The following TRAK1 variants were observed in gnomAD, a reference collection of about 807,000 sequenced individuals.
TRAK1 encodes trafficking kinesin protein 1.
Under a neutral mutation model 92.1 loss-of-function variants are expected in TRAK1, and 33 were observed. That is an observed-to-expected ratio of 0.36 (90% confidence interval 0.27 to 0.48). The LOEUF (loss-of-function observed/expected upper bound fraction) is 0.48. Among genes scored for constraint, TRAK1 ranks in the 20% least tolerant of loss-of-function variants. The pLI, the probability that TRAK1 is intolerant of heterozygous loss-of-function variation, is 0.99. For synonymous variants in TRAK1, 521 were observed against 517.3 expected (o/e 1.01, Z -0.10); for missense variants, 1,123 against 1,257.9 (o/e 0.89, Z 1.62).
chr3:42,114,577 A>C (rs1708917414), intron 1 of TRAK1, among the ~76,000 whole-genome samples: 1 of 152,208 alleles, frequency 6.6e-6, no homozygotes, highest in Non-Finnish European at 1.5e-5. Flanking sequence ...TGTTGTTCCA[A>C]TTTACACCAG....
chr3:42,200,937 T>TCCTGTCCAGCTGCGTCAGCACCCC lies in TRAK1; in HGVS notation c.1313_1336dup (p.Leu438_Pro445dup). On this transcript the variant is annotated inframe_insertion, in exon 12 of 16. Coordinates refer to ENST00000327628, the MANE Select transcript of TRAK1 (RefSeq NM_001042646.3). ...AACCAGTCCTCGGCCATGAACTCCC[T>TCCTGTCCAGCTGCGTCAGCACCCC]CCTGTCCAGCTGCGTCAGCACCCCC... 1.9e-6 allele frequency: 3 copies of TCCTGTCCAGCTGCGTCAGCACCCC among 1,614,074 alleles called. No homozygotes were observed. Among genetic ancestry groups the TCCTGTCCAGCTGCGTCAGCACCCC allele is most frequent in the Non-Finnish European group, 2.5e-6 (3 of 1,180,010 alleles).
chr3:42,032,727 T>C (rs1702194903), intron 1 of TRAK1, among the ~76,000 whole-genome samples: 1 of 152,196 alleles, frequency 6.6e-6, no homozygotes, highest in South Asian at 2.1e-4. Flanking sequence ...GGTAGGCTGC[T>C]TTTCTTCTTA....
At chr3:42,016,994 T>C (rs1293106606) in intron 1 of TRAK1, among the ~76,000 whole-genome samples, 1 of 152,186 alleles carries the variant, frequency 6.6e-6, no homozygotes, top group Non-Finnish European at 1.5e-5. Context: ...CTGCGGTGGC[T>C]CACACCTGTA....
chr3:42,160,148 AC>A (rs1292209566), intron 2 of TRAK1: 1 of 1,056,356 alleles, frequency 9.5e-7, no homozygotes, highest in Non-Finnish European at 1.1e-6. Context: ...CATAGGAGCC[AC>A]CCCCTTCCGG....
intron 2 of TRAK1, among the ~76,000 whole-genome samples, chr3:42,172,895 C>G (rs971080392): frequency 6.6e-6 from 1 of 152,156 alleles, no homozygotes; most frequent in Non-Finnish European, 1.5e-5. Context: ...CCTGTAATGC[C>G]AGCACTTTGG....
At chr3:42,050,196 A>T (rs1472785529) in intron 1 of TRAK1, among the ~76,000 whole-genome samples, 1 of 136,190 alleles carries the variant, frequency 7.3e-6, no homozygotes, top group Non-Finnish European at 1.6e-5. Context: ...GGGGGGTGTG[A>T]GAGTCGGGGG....
intron 1 of TRAK1, among the ~76,000 whole-genome samples, chr3:42,032,205 G>A (rs763564946): frequency 6.6e-6 from 1 of 152,158 alleles, no homozygotes; most frequent in Non-Finnish European, 1.5e-5. Flanking sequence ...AAGTATTTGA[G>A]GACAGAAAAT....
At chr3:42,200,171 G>A (rs1049076791) in intron 11 of TRAK1, among the ~76,000 whole-genome samples, 3 of 152,214 alleles carry the variant, frequency 2.0e-5, no homozygotes, top group Non-Finnish European at 4.4e-5. Context: ...TCCAAGTGAG[G>A]TTTGGTATAT....
At chr3:42,085,386 C>T (rs1194142501), upstream of TRAK1, among the ~76,000 whole-genome samples, 2 of 152,136 alleles carry the variant, frequency 1.3e-5, no homozygotes, top group African/African-American at 4.8e-5. Context: ...CCAGGCTGGC[C>T]TCAAACTCCT....
At chr3:42,209,589 T>C (rs573158950) in intron 13 of TRAK1, among the ~76,000 whole-genome samples, 178 bp from the exon 14 acceptor site, 1 of 152,304 alleles carries the variant, frequency 6.6e-6, no homozygotes, top group South Asian at 2.1e-4. Context: ...TTCTGTTTCA[T>C]GGCAGGAAGG....
chr3:42,203,374 T>C, intron 13 of TRAK1: 18 of 986,098 alleles, frequency 1.8e-5, no homozygotes, highest in Non-Finnish European at 2.2e-5. Context: ...GTGAGTTTTG[T>C]ACCTCCGTAA....
At chr3:42,146,171 GA>G in intron 2 of TRAK1, 1 of 349,440 alleles carries the variant, frequency 2.9e-6, no homozygotes, top group Non-Finnish European at 5.7e-6. Context: ...CAACAAGGAG[GA>G]AAAAATACCT....
intron 1 of TRAK1, among the ~76,000 whole-genome samples, chr3:42,082,064 C>T (rs1014409916): frequency 6.6e-6 from 1 of 152,114 alleles, no homozygotes; most frequent in African/African-American, 2.4e-5. Flanking sequence ...GTGAGGTGAG[C>T]ATTTGCTGAT....
Position 42,126,248 on chromosome 3 carries a change from T to G in TRAK1, c.286+634T>G, listed in dbSNP as rs79640292. ...GAAACTCACTGGGAAGGTGTTTGTC[T>G]AAATTTAAAACCAAAGATATTGGGA... is the stretch of plus-strand genomic sequence containing the variant. On this transcript the variant is annotated intron_variant, in intron 2 of 15. Coordinates refer to ENST00000327628, the MANE Select transcript of TRAK1 (RefSeq NM_001042646.3). Among the ~76,000 whole-genome samples the G allele has an allele frequency of 6.0e-3, 914 of 152,316 alleles. 32 individuals carry two copies. The East Asian group carries it at 0.11, about 18-fold the overall frequency.
intron 13 of TRAK1, among the ~76,000 whole-genome samples, chr3:42,209,350 T>C (rs1181608271): frequency 6.6e-6 from 1 of 152,222 alleles, no homozygotes; most frequent in African/African-American, 2.4e-5. Flanking sequence ...GAGTGTGTAT[T>C]TGGCATAGAA....
chr3:42,191,052 C>T lies in TRAK1; in HGVS notation c.691-506C>T, dbSNP rs543714891. ...TGCATTTTAATGCTTTTGTGTTGGA[C>T]CTTGTTCTTACTAAGCTTGAACACA... On this transcript the variant is annotated intron_variant, in intron 6 of 15. Transcript: ENST00000327628. 2.0e-5 allele frequency among the ~76,000 whole-genome samples: 3 copies of T among 152,256 alleles called. No homozygotes were observed. In the East Asian group the frequency reaches 5.8e-4, roughly 29 times the overall value.
chr3:42,097,696 A>G (rs1378506814), intron 1 of TRAK1, among the ~76,000 whole-genome samples: 1 of 152,212 alleles, frequency 6.6e-6, no homozygotes, highest in Non-Finnish European at 1.5e-5. Context: ...GTAGCACATC[A>G]CTGCCTGGTA....
chr3:42,217,452 C>T (rs952629448), intron 14 of TRAK1: 19 of 985,242 alleles, frequency 1.9e-5, no homozygotes, highest in Non-Finnish European at 1.9e-5. Context: ...TCCCCAAAAC[C>T]CATTTGTATA....
intron 1 of TRAK1, among the ~76,000 whole-genome samples, chr3:42,059,171 C>T (rs1163773847): frequency 4.0e-5 from 6 of 151,772 alleles, no homozygotes; most frequent in Admixed American, 3.3e-4. Flanking sequence ...CATGGCTTGC[C>T]GTAGCCTCAA....
Sources: gnomAD v4.1 joint callset for allele counts (sites outside exome capture counted in the v4.1 genomes callset) on GRCh38, gnomAD v4.1.1 for gene constraint, MANE v1.5 for transcripts, NCBI Gene and HGNC (gene_info 2026-07-23, HGNC 2026-07-21) for gene names.